TPO: variants seen among roughly 807,000 people sequenced by gnomAD.
The protein encoded by TPO is thyroid microsomal antigen.
In TPO, 78 loss-of-function variants were observed where a neutral mutation model predicts 96.9. The observed-to-expected ratio is 0.81, with a 90% CI of 0.67 to 0.97. TPO has a LOEUF of 0.97. Among genes scored for constraint, TPO ranks in the 50% least tolerant of loss-of-function variants. TPO has a pLI of 0.00. For missense variants in TPO, 1,252 were observed against 1,274.8 expected (o/e 0.98, Z 0.27); for synonymous variants, 547 against 538.0 (o/e 1.02, Z -0.23).
chr2:1,407,157 T>A (rs17786733), intron 1 of TPO, among the ~76,000 whole-genome samples: 60,576 of 152,044 alleles, frequency 0.4, 12,134 homozygotes, highest in Admixed American at 0.49. Flanking sequence ...TGGCTTTGAT[T>A]TCTGTTTATG....
Position 1,542,444 on chromosome 2 carries a change from G to GGATAC in TPO, c.2773_2777dup (p.His927IlefsTer49). Reference sequence around the variant, plus strand: ...AGGAGAGTGCTGGGATGGAAGGCCGGGATACTCACAGGCTGCCGAGAGCCC... The same window carrying GGATAC: ...AGGAGAGTGCTGGGATGGAAGGCCGGGATACGATACTCACAGGCTGCCGAGAGCCC... On this transcript the variant is annotated frameshift_variant, in exon 17 of 17. Transcript: ENST00000329066. LOFTEE classifies it high-confidence loss of function. 1.2e-6 allele frequency: 2 copies of GGATAC among 1,614,198 alleles called. No homozygotes were observed. The highest frequency in any genetic ancestry group is 1.7e-6 in the Non-Finnish European group (2 of 1,180,028).
chr2:1,462,918 A>G (rs1668578800), intron 7 of TPO, among the ~76,000 whole-genome samples: 1 of 152,260 alleles, frequency 6.6e-6, no homozygotes, highest in Admixed American at 6.5e-5. Flanking sequence ...TTATACAGTG[A>G]TATTATGGAA....
intron 7 of TPO, among the ~76,000 whole-genome samples, chr2:1,466,650 T>C (rs1237940225): frequency 1.3e-5 from 2 of 152,214 alleles, no homozygotes; most frequent in African/African-American, 2.4e-5. Context: ...CATCTCTAGG[T>C]TTCCCAGTTG....
intron 15 of TPO, among the ~76,000 whole-genome samples, chr2:1,538,118 CCCGCACTGTGT>C (rs1413728208): frequency 1.5e-4 from 17 of 110,950 alleles, no homozygotes; most frequent in African/African-American, 5.7e-4. Context: ...TCCTCAAATC[CCCGCACTGTGT>C]TCAACCTTCT....
At chr2:1,509,790 A>G (rs989351650) in intron 14 of TPO, among the ~76,000 whole-genome samples, 4 of 143,242 alleles carry the variant, frequency 2.8e-5, no homozygotes, top group African/African-American at 1.1e-4. Flanking sequence ...CTTTTGTTTC[A>G]GGGACACCGC....
intron 9 of TPO, among the ~76,000 whole-genome samples, chr2:1,486,738 T>C (rs182382817): frequency 1.8e-4 from 28 of 152,290 alleles, no homozygotes; most frequent in African/African-American, 6.7e-4. Flanking sequence ...TTCCCAGTAG[T>C]CTGTAAGTCC....
chr2:1,387,777 G>A (rs1438174667), intron 1 of TPO, among the ~76,000 whole-genome samples: 1 of 152,226 alleles, frequency 6.6e-6, no homozygotes, highest in Non-Finnish European at 1.5e-5. Context: ...TTTGGAGGAG[G>A]AGAGGCACTC....
At chr2:1,517,975 G>A (rs994082100) in intron 15 of TPO, among the ~76,000 whole-genome samples, 1 of 151,462 alleles carries the variant, frequency 6.6e-6, no homozygotes, top group African/African-American at 2.4e-5. Context: ...CACTCCTGCT[G>A]CAGCCAGCCC....
At chr2:1,456,580 CAT>C (rs749449406) in intron 7 of TPO, among the ~76,000 whole-genome samples, 6 of 147,472 alleles carry the variant, frequency 4.1e-5, no homozygotes, top group Admixed American at 1.4e-4. Context: ...ACTGTGGGTA[CAT>C]ATATATATAG....
chr2:1,381,749 G>T (rs940847337), intron 1 of TPO, among the ~76,000 whole-genome samples: 1 of 152,216 alleles, frequency 6.6e-6, no homozygotes, highest in Non-Finnish European at 1.5e-5. Context: ...GATAAGTGAA[G>T]AATTAAATGT....
intron 3 of TPO, among the ~76,000 whole-genome samples, chr2:1,429,697 C>A (rs901784575): frequency 3.3e-5 from 5 of 152,214 alleles, no homozygotes; most frequent in African/African-American, 7.2e-5. Context: ...GCCGCCTGTG[C>A]TATGCCTCAG....
At chr2:1,446,715 T>G (rs1174979207) in intron 5 of TPO, among the ~76,000 whole-genome samples, 4 of 152,234 alleles carry the variant, frequency 2.6e-5, no homozygotes, top group African/African-American at 9.6e-5. Context: ...TACAAATGTC[T>G]TCTCCCAGCT....
chr2:1,380,342 C>T (rs1446827944), intron 1 of TPO, among the ~76,000 whole-genome samples: 1 of 146,784 alleles, frequency 6.8e-6, no homozygotes, highest in Non-Finnish European at 1.5e-5. Context: ...TGGAGTGAGC[C>T]GAGATCACTT....
intron 1 of TPO, among the ~76,000 whole-genome samples, chr2:1,394,706 A>G (rs1662052658): frequency 6.6e-6 from 1 of 152,204 alleles, no homozygotes; most frequent in Non-Finnish European, 1.5e-5. Context: ...GGCCCTGCCC[A>G]GAGAGTCCTG....
Position 1,436,294 on chromosome 2 carries a change from C to T in TPO, c.392C>T (p.Ser131Phe). 6.2e-7 allele frequency: 1 copy of T among 1,614,220 alleles called. No homozygotes were observed. The highest frequency in any genetic ancestry group is 8.5e-7 in the Non-Finnish European group (1 of 1,180,038). ...CTGCTGAGCATCATTGCAAACATGT[C>T]TGGATGTCTCCCTTACATGCTGCCC... is the stretch of plus-strand genomic sequence containing the variant. ...EDLLSIIANM[S>F]GCLPYMLPPK... Residue 131 changes from serine (S) to phenylalanine (F), a missense_variant, in exon 5 of 17, where the codon TCT becomes TTT. Ser to Phe is a radical substitution (Grantham distance 155). Transcript: ENST00000329066.
At position 1,488,365 on chromosome 2, in the gene TPO, G is replaced by C. The variant is rs28911487; in HGVS notation, c.1768+374G>C. 6.5e-3 allele frequency among the ~76,000 whole-genome samples: 981 copies of C among 152,076 alleles called. 18 individuals carry two copies. Among genetic ancestry groups the C allele is most frequent in the African/African-American group, 0.023 (938 of 41,488 alleles). ...CTCCCCTTCTCCTCCCCACCACAAG[G>C]TCCCAGAGCCTGCAAAGATCATTCC... On this transcript the variant is annotated intron_variant, in intron 10 of 16. Coordinates refer to ENST00000329066, the MANE Select transcript of TPO (RefSeq NM_001206744.2).
intron 15 of TPO, among the ~76,000 whole-genome samples, chr2:1,517,947 C>A (rs28913018): frequency 0.29 from 43,603 of 151,866 alleles, 6,485 homozygotes; most frequent in Admixed American, 0.33. Flanking sequence ...GGCTCCCCCC[C>A]CCAATATGCC....
At chr2:1,462,645 AATC>A (rs1180654855) in intron 7 of TPO, among the ~76,000 whole-genome samples, 1 of 152,176 alleles carries the variant, frequency 6.6e-6, no homozygotes, top group Non-Finnish European at 1.5e-5. Flanking sequence ...GGTATTGAGA[AATC>A]ATTTGCATCC....
rs778063501 is a variant in TPO at position 1,453,687 on chromosome 2, T to C, written c.483-7T>C. 6.2e-7 allele frequency: 1 copy of C among 1,613,814 alleles called. No individual in the cohort carries two copies. The highest frequency in any genetic ancestry group is 8.5e-7 in the Non-Finnish European group (1 of 1,180,040). On this transcript the variant is annotated splice_polypyrimidine_tract_variant and splice_region_variant and intron_variant, in intron 5 of 16. Transcript: ENST00000329066. ...TCTCAAACACATCCTTGCATTTGTC[T>C]CCACAGAGACCACCCCAGATGGGGC... is the stretch of plus-strand genomic sequence containing the variant.
Sources: allele counts gnomAD v4.1 joint callset (sites outside exome capture counted in the v4.1 genomes callset), GRCh38; gene constraint gnomAD v4.1.1; transcripts MANE v1.5; gene names NCBI Gene and HGNC (gene_info 2026-07-23, HGNC 2026-07-21).